SNTG1: variants seen among roughly 807,000 people sequenced by gnomAD.
SNTG1 encodes the protein syntrophin gamma 1, also known as gamma-1-syntrophin.
A neutral mutation model predicts 74.7 loss-of-function variants in SNTG1; 39 were observed. That is an observed-to-expected ratio of 0.52 (90% confidence interval 0.40 to 0.68). SNTG1 has a LOEUF of 0.68. Among genes scored for constraint, SNTG1 ranks in the 30% least tolerant of loss-of-function variants. SNTG1 has a pLI of 0.00. For missense variants in SNTG1, 685 were observed against 609.5 expected (o/e 1.12, Z -1.30); for synonymous variants, 254 against 217.1 (o/e 1.17, Z -1.49).
chr8:50,593,885 T>C (rs2094709533), intron 13 of SNTG1, among the ~76,000 whole-genome samples: 1 of 151,858 alleles, frequency 6.6e-6, no homozygotes. Flanking sequence ...GCCTGGATAA[T>C]TTTTGTATTT....
chr8:50,659,088 G>T (rs2131280801), intron 15 of SNTG1, among the ~76,000 whole-genome samples: 1 of 152,152 alleles, frequency 6.6e-6, no homozygotes, highest in South Asian at 2.1e-4. Flanking sequence ...GAAAATATCA[G>T]GAAAAATGCA....
chr8:50,353,642 T>C (rs1443959926), intron 2 of SNTG1, among the ~76,000 whole-genome samples: 1 of 152,198 alleles, frequency 6.6e-6, no homozygotes, highest in East Asian at 1.9e-4. Flanking sequence ...TGAGCATTTA[T>C]TTGAGCTACG....
At chr8:50,662,256 T>C (rs538882880) in intron 15 of SNTG1, among the ~76,000 whole-genome samples, 2 of 152,178 alleles carry the variant, frequency 1.3e-5, no homozygotes, top group African/African-American at 2.4e-5. Flanking sequence ...AAAGTCAGAT[T>C]TGAATGTCTG....
chr8:50,398,507 T>G (rs2092757862), intron 3 of SNTG1, among the ~76,000 whole-genome samples: 1 of 152,244 alleles, frequency 6.6e-6, no homozygotes, highest in African/African-American at 2.4e-5. Context: ...ATTAATTTTT[T>G]TCAAGACAAA....
chr8:50,460,664 T>C (rs548224640), intron 8 of SNTG1, among the ~76,000 whole-genome samples: 1 of 152,292 alleles, frequency 6.6e-6, no homozygotes, highest in South Asian at 2.1e-4. Flanking sequence ...TTTTTGTATA[T>C]AGTGAAAGGT....
rs748767691 is a variant in SNTG1 at position 50,656,085 on chromosome 8, C to T, written c.850-824C>T. 1.1e-4 allele frequency among the ~76,000 whole-genome samples: 16 copies of T among 152,140 alleles called. 1 individual carries two copies. Among genetic ancestry groups the T allele is most frequent in the Non-Finnish European group, 1.6e-4 (11 of 68,022 alleles). On this transcript the variant is annotated intron_variant, in intron 13 of 18. Coordinates refer to ENST00000642720, the MANE Select transcript of SNTG1 (RefSeq NM_018967.5). ...AAAAATATCTAGGAGGAGGACTTAA[C>T]TCTGCCAACCATAAAGCCAACGTAA...
chr8:50,038,115 G>A lies in SNTG1; in HGVS notation c.-103+125884G>A, dbSNP rs1405677886. 4.6e-5 allele frequency among the ~76,000 whole-genome samples: 7 copies of A among 152,260 alleles called. No individual in the cohort carries two copies. The South Asian group carries it at 1.0e-3, about 23-fold the overall frequency. On this transcript the variant is annotated intron_variant, in intron 1 of 18. Transcript: ENST00000642720. ...CATACAGGAATGGCTCCATCATTTT[G>A]TCCTGTTCTGGTCCTCCTGTGCTTG... is the stretch of plus-strand genomic sequence containing the variant.
At chr8:50,095,989 A>G (rs539448500) in intron 1 of SNTG1, among the ~76,000 whole-genome samples, 3 of 152,334 alleles carry the variant, frequency 2.0e-5, no homozygotes, top group African/African-American at 7.2e-5. Flanking sequence ...AATCTAAAAA[A>G]AAAATTCCAT....
At chr8:50,722,641 T>C (rs1321003346) in intron 17 of SNTG1, among the ~76,000 whole-genome samples, 1 of 152,194 alleles carries the variant, frequency 6.6e-6, no homozygotes, top group Non-Finnish European at 1.5e-5. Flanking sequence ...ATTAATTATT[T>C]AATCAGCCCT....
At chr8:50,443,019 T>C (rs2093372854) in intron 5 of SNTG1, among the ~76,000 whole-genome samples, 1 of 152,184 alleles carries the variant, frequency 6.6e-6, no homozygotes, top group African/African-American at 2.4e-5. Context: ...GGCTGGACCA[T>C]GCAGAGACTT....
At chr8:50,692,343 A>G (rs751741731) in intron 15 of SNTG1, among the ~76,000 whole-genome samples, 5 of 152,116 alleles carry the variant, frequency 3.3e-5, no homozygotes, top group African/African-American at 1.2e-4. Flanking sequence ...TAGGGTTTCC[A>G]GTTTTTCTGC....
chr8:50,724,366 GA>G (rs1313159526), intron 17 of SNTG1, among the ~76,000 whole-genome samples: 1 of 152,084 alleles, frequency 6.6e-6, no homozygotes, highest in Non-Finnish European at 1.5e-5. Flanking sequence ...AGTTTTAGTT[GA>G]ATATGTGGTC....
At chr8:50,025,124 C>A (rs991020131) in intron 1 of SNTG1, among the ~76,000 whole-genome samples, 7 of 152,040 alleles carry the variant, frequency 4.6e-5, no homozygotes, top group African/African-American at 1.7e-4. Flanking sequence ...TTCTTCACAG[C>A]AAACACCCTG....
At chr8:50,693,281 TC>T (rs1563751662) in intron 15 of SNTG1, among the ~76,000 whole-genome samples, 1 of 152,034 alleles carries the variant, frequency 6.6e-6, no homozygotes, top group East Asian at 1.9e-4. Flanking sequence ...TATCTGGCAC[TC>T]CCCAGTGAGA....
At chr8:49,974,663 A>G (rs887111186) in intron 1 of SNTG1, among the ~76,000 whole-genome samples, 4 of 152,158 alleles carry the variant, frequency 2.6e-5, no homozygotes, top group Non-Finnish European at 5.9e-5. Flanking sequence ...ATCAACTGTA[A>G]AATGAAGGCC....
intron 15 of SNTG1, among the ~76,000 whole-genome samples, chr8:50,692,356 T>C (rs1045100049): frequency 3.3e-5 from 5 of 152,306 alleles, no homozygotes; most frequent in African/African-American, 1.2e-4. Flanking sequence ...TTTTCTGCTC[T>C]ATTTTTTTTC....
At chr8:49,916,674 T>C (rs1256849368) in intron 1 of SNTG1, among the ~76,000 whole-genome samples, 1 of 151,968 alleles carries the variant, frequency 6.6e-6, no homozygotes, top group Non-Finnish European at 1.5e-5. Context: ...CTTTTAGAAA[T>C]GGTGCCAAAA....
intron 2 of SNTG1, among the ~76,000 whole-genome samples, chr8:50,204,090 T>A (rs1415097918): frequency 6.6e-6 from 1 of 152,088 alleles, no homozygotes; most frequent in Admixed American, 6.6e-5. Flanking sequence ...AATTAAACAA[T>A]TTACTAATGG....
At chr8:49,911,344 C>T (rs1159152141), upstream of SNTG1, 1 of 144,668 alleles carries the variant, frequency 6.9e-6, no homozygotes, top group Admixed American at 6.8e-5. Flanking sequence ...CTCTCTTCCT[C>T]TCTCTCTCTC....
Sources: gnomAD v4.1 joint callset for allele counts (sites outside exome capture counted in the v4.1 genomes callset) on GRCh38, gnomAD v4.1.1 for gene constraint, MANE v1.5 for transcripts, NCBI Gene and HGNC (gene_info 2026-07-23, HGNC 2026-07-21) for gene names.